The following EXOC4 variants were observed in gnomAD, a reference collection of about 807,000 sequenced individuals.
The protein encoded by EXOC4 is exocyst complex component 4.
EXOC4 carries 71 observed loss-of-function variants against 107.2 expected under a neutral mutation model. The observed-to-expected ratio is 0.66, with a 90% CI of 0.55 to 0.81. EXOC4 has a LOEUF of 0.81. Among genes scored for constraint, EXOC4 ranks in the 30% least tolerant of loss-of-function variants. EXOC4 has a pLI of 0.00. For synonymous variants in EXOC4, 456 were observed against 441.2 expected, an observed-to-expected ratio of 1.03 and a Z score of -0.42; for missense variants, 1,108 against 1,189.6, an observed-to-expected ratio of 0.93 and a Z score of 1.01.
At chr7:134,017,148 A>G (rs1157282470) in intron 17 of EXOC4, among the ~76,000 whole-genome samples, 1 of 152,128 alleles carries the variant, frequency 6.6e-6, no homozygotes, top group Non-Finnish European at 1.5e-5. Flanking sequence ...TTGCCTTCCC[A>G]ATTCTAGGGG....
intron 7 of EXOC4, among the ~76,000 whole-genome samples, chr7:133,408,302 G>A (rs964383009): frequency 6.6e-6 from 1 of 151,198 alleles, no homozygotes; most frequent in East Asian, 1.9e-4. Flanking sequence ...GATGATGGAG[G>A]TATTGGTGGG....
chr7:133,785,684 T>C (rs1207316255), intron 10 of EXOC4, among the ~76,000 whole-genome samples: 1 of 151,798 alleles, frequency 6.6e-6, no homozygotes, highest in Non-Finnish European at 1.5e-5. Flanking sequence ...TTGTTTTTGT[T>C]TTTTTTGAGA....
chr7:133,769,197 A>G (rs1341190879), intron 10 of EXOC4, among the ~76,000 whole-genome samples: 1 of 152,038 alleles, frequency 6.6e-6, no homozygotes, highest in African/African-American at 2.4e-5. Flanking sequence ...ACCATGGCAC[A>G]CGTATGCCTG....
intron 9 of EXOC4, among the ~76,000 whole-genome samples, chr7:133,526,768 G>A (rs886528983): frequency 3.3e-5 from 5 of 152,038 alleles, no homozygotes; most frequent in African/African-American, 9.7e-5. Flanking sequence ...TCAAGAGATC[G>A]AGACCATCCT....
chr7:133,735,345 G>T (rs1438974149), intron 10 of EXOC4, among the ~76,000 whole-genome samples: 2 of 149,350 alleles, frequency 1.3e-5, no homozygotes, highest in Middle Eastern at 3.6e-3. Flanking sequence ...TTATAAAGCA[G>T]CTGGGATCTG....
At chr7:134,071,480 C>A (rs1356674749), downstream of EXOC4, among the ~76,000 whole-genome samples, 1 of 152,130 alleles carries the variant, frequency 6.6e-6, no homozygotes, top group Non-Finnish European at 1.5e-5. Flanking sequence ...GTAAAGGGAA[C>A]AAGGAGGGGG....
chr7:134,028,118 T>A (rs1022223874), intron 17 of EXOC4, among the ~76,000 whole-genome samples: 1 of 152,204 alleles, frequency 6.6e-6, no homozygotes, highest in East Asian at 1.9e-4. Flanking sequence ...TTTTGTGGTG[T>A]GTTTCTGATA....
At chr7:133,499,425 G>A (rs138579031) in intron 9 of EXOC4, among the ~76,000 whole-genome samples, 112 of 152,006 alleles carry the variant, frequency 7.4e-4, no homozygotes, top group Non-Finnish European at 2.5e-4. Context: ...TTCCATAAGC[G>A]GATAATATTT....
chr7:133,261,403 A>C (rs1189956287), intron 1 of EXOC4, among the ~76,000 whole-genome samples: 1 of 151,734 alleles, frequency 6.6e-6, no homozygotes, highest in Non-Finnish European at 1.5e-5. Flanking sequence ...AGTTGCTGAG[A>C]CTATAGTTGT....
chr7:134,009,483 A>T (rs546374358), intron 17 of EXOC4, among the ~76,000 whole-genome samples: 77 of 151,354 alleles, frequency 5.1e-4, no homozygotes, highest in African/African-American at 1.8e-3. Context: ...CTTTCTTTCT[A>T]TTTGTGGGAA....
chr7:133,820,956 T>A (rs1350775131), intron 11 of EXOC4, among the ~76,000 whole-genome samples: 1 of 152,168 alleles, frequency 6.6e-6, no homozygotes, highest in Non-Finnish European at 1.5e-5. Flanking sequence ...GTGATTTCAC[T>A]TTCTAGGCAC....
intron 7 of EXOC4, among the ~76,000 whole-genome samples, chr7:133,428,665 C>G (rs1330623747): frequency 6.6e-6 from 1 of 152,156 alleles, no homozygotes; most frequent in Non-Finnish European, 1.5e-5. Flanking sequence ...ATAATTGTGG[C>G]TTGAAGACTT....
chr7:133,543,454 A>T (rs1232748580), intron 9 of EXOC4, among the ~76,000 whole-genome samples: 1 of 151,772 alleles, frequency 6.6e-6, no homozygotes, highest in East Asian at 1.9e-4. Flanking sequence ...CCCTCATTTT[A>T]CCTGGTCTCT....
intron 10 of EXOC4, among the ~76,000 whole-genome samples, chr7:133,731,839 T>C (rs1052061809): frequency 6.6e-6 from 1 of 152,090 alleles, no homozygotes; most frequent in Non-Finnish European, 1.5e-5. Flanking sequence ...CAAATCAGAC[T>C]ATGGGAATAT....
At chr7:133,484,911 C>G (rs1219257662) in intron 9 of EXOC4, among the ~76,000 whole-genome samples, 1 of 151,276 alleles carries the variant, frequency 6.6e-6, no homozygotes, top group Admixed American at 6.6e-5. Flanking sequence ...GAAACCCCCT[C>G]TCTACTAAAA....
chr7:133,649,471 T>C (rs73726941), intron 10 of EXOC4, among the ~76,000 whole-genome samples: 15 of 18,830 alleles, frequency 8.0e-4, no homozygotes, highest in East Asian at 3.9e-3. Flanking sequence ...CTTTTTCTTT[T>C]TTTTTTTTTT....
chr7:133,546,541 C>T (rs535678102), intron 9 of EXOC4, among the ~76,000 whole-genome samples: 1 of 152,268 alleles, frequency 6.6e-6, no homozygotes, highest in African/African-American at 2.4e-5. Flanking sequence ...CAGGAGTGAG[C>T]CACTTTACCC....
At chr7:133,557,923 G>A (rs765692948) in intron 9 of EXOC4, among the ~76,000 whole-genome samples, 6 of 152,138 alleles carry the variant, frequency 3.9e-5, no homozygotes, top group Non-Finnish European at 7.4e-5. Context: ...CCCGGGAGGC[G>A]GAGGTTGCAG....
chr7:133,298,669 A>G (rs1794575686), intron 3 of EXOC4, among the ~76,000 whole-genome samples: 1 of 152,144 alleles, frequency 6.6e-6, no homozygotes, highest in Admixed American at 6.6e-5. Flanking sequence ...TTTCTTCAGG[A>G]AGGTAATTGT....
Sources: gnomAD v4.1 joint callset for allele counts (sites outside exome capture counted in the v4.1 genomes callset) on GRCh38, gnomAD v4.1.1 for gene constraint, MANE v1.5 for transcripts, NCBI Gene and HGNC (gene_info 2026-07-23, HGNC 2026-07-21) for gene names.